FAM20A: variants seen among roughly 807,000 people sequenced by gnomAD.
FAM20A encodes pseudokinase FAM20A.
Under a neutral mutation model 52.0 loss-of-function variants are expected in FAM20A, and 42 were observed. That is an observed-to-expected ratio of 0.81 (90% CI 0.63 to 1.04). The LOEUF (loss-of-function observed/expected upper bound fraction) is 1.04, where lower values mean the gene tolerates loss of function less well. Ranked by LOEUF, FAM20A falls within the 50% of genes least tolerant of loss-of-function variation. The probability of loss-of-function intolerance (pLI) is 0.00; values close to 1 mark genes in which losing one functional copy is unlikely to be tolerated. For synonymous variants in FAM20A, 304 were observed against 298.9 expected (o/e 1.02, Z -0.18); for missense variants, 742 against 712.7 (o/e 1.04, Z -0.47).
intron 1 of FAM20A, among the ~76,000 whole-genome samples, chr17:68,597,563 T>C (rs2088488071): frequency 6.6e-6 from 1 of 152,154 alleles, no homozygotes; most frequent in Non-Finnish European, 1.5e-5. Context: ...TTTTGTATTT[T>C]TAATAGAGAT....
intron 1 of FAM20A, among the ~76,000 whole-genome samples, chr17:68,564,988 C>T (rs978342890): frequency 8.5e-5 from 13 of 152,106 alleles, no homozygotes; most frequent in Non-Finnish European, 1.0e-4. Context: ...ACTAACCACA[C>T]GGCTTCAGGT....
At chr17:68,578,111 G>A (rs763725826) in intron 1 of FAM20A, among the ~76,000 whole-genome samples, 14 of 152,158 alleles carry the variant, frequency 9.2e-5, no homozygotes, top group Non-Finnish European at 1.6e-4. Flanking sequence ...GAAACGTGGT[G>A]TAAAGGCAAT....
rs761551855 is a variant in FAM20A at position 68,542,827 on chromosome 17, C to G, written c.813-18G>C. On this transcript the variant is annotated intron_variant, in intron 5 of 10. Transcript: ENST00000592554. ...CCAGAATCCTGCAAGAGAGGAAGCT[C>G]TGTTCCATCTGAGGGATGATCAGGG... 7.6e-6 allele frequency: 12 copies of G among 1,576,812 alleles called. No individual in the cohort carries two copies. In the South Asian group the frequency reaches 1.1e-4, roughly 15 times the overall value.
At chr17:68,562,023 C>T (rs1330167178) in intron 1 of FAM20A, among the ~76,000 whole-genome samples, 2 of 152,140 alleles carry the variant, frequency 1.3e-5, no homozygotes, top group Non-Finnish European at 2.9e-5. Flanking sequence ...GGGGTTTCGC[C>T]ATGTTGGCCA....
intron 1 of FAM20A, among the ~76,000 whole-genome samples, chr17:68,576,035 A>G (rs2087758194): frequency 6.6e-6 from 1 of 152,094 alleles, no homozygotes; most frequent in East Asian, 1.9e-4. Flanking sequence ...ACTTGGCTGC[A>G]TGCTGAGCCC....
chr17:68,570,404 A>G (rs1178543076), intron 1 of FAM20A, among the ~76,000 whole-genome samples: 1 of 152,168 alleles, frequency 6.6e-6, no homozygotes, highest in Non-Finnish European at 1.5e-5. Flanking sequence ...TTGTTGAATG[A>G]ATTAATGTGC....
At position 68,542,120 on chromosome 17, in the gene FAM20A, G is replaced by A. The variant is rs770620515; in HGVS notation, c.974C>T (p.Thr325Met). The change falls in exon 7 of 11, where the codon ACG becomes ATG. Residue 325 changes from threonine (T) to methionine (M), a missense_variant. By Grantham distance (81) the Thr-to-Met change is moderately conservative. Coordinates refer to ENST00000592554, the MANE Select transcript of FAM20A (RefSeq NM_017565.4). ...TGGGTTGCCACAGACAGCATACTCC[G>A]TCTTGCACATGTATGGACACTTGGC... Reference protein sequence around the residue: ...FFAKCPYMCKTEYAVCGNPHL... With the variant: ...FFAKCPYMCKMEYAVCGNPHL... 13 of 1,614,114 alleles carry A rather than the reference G, an allele frequency of 8.1e-6. No individual in the cohort carries two copies. The East Asian group carries it at 1.3e-4, about 17-fold the overall frequency.
In FAM20A at chr17:68,536,556, C is replaced by T. The variant is rs1297336315; in HGVS notation, c.*921G>A. The stretch of plus-strand genomic sequence containing the variant: ...ACAGGGAGGGGCATCTAGAGGGCCT[C>T]ACCTTTCCACATAGCCCCTTTCTTC... On this transcript the variant is annotated 3_prime_UTR_variant, in exon 11 of 11. Coordinates refer to ENST00000592554, the MANE Select transcript of FAM20A (RefSeq NM_017565.4). 3 of 454,050 alleles carry T rather than the reference C, an allele frequency of 6.6e-6. No individual in the cohort carries two copies. Among genetic ancestry groups the T allele is most frequent in the Admixed American group, 2.3e-5 (1 of 42,566 alleles). 28.1% of individuals were successfully genotyped at this position (454,050 alleles called of 1,614,324 possible).
chr17:68,565,698 A>G (rs2087358585), intron 1 of FAM20A, among the ~76,000 whole-genome samples: 1 of 151,734 alleles, frequency 6.6e-6, no homozygotes, highest in South Asian at 2.1e-4. Flanking sequence ...CCAGCCATCC[A>G]TTACCTCTTA....
chr17:68,594,051 C>T (rs1742065435), intron 1 of FAM20A, among the ~76,000 whole-genome samples: 2 of 152,188 alleles, frequency 1.3e-5, no homozygotes, highest in Non-Finnish European at 2.9e-5. Flanking sequence ...CTGTGGTTTT[C>T]TAGCTGCCTG....
At chr17:68,571,739 A>C (rs1347471214) in intron 1 of FAM20A, among the ~76,000 whole-genome samples, 1 of 151,514 alleles carries the variant, frequency 6.6e-6, no homozygotes, top group Non-Finnish European at 1.5e-5. Context: ...ATACTGTTCT[A>C]TTTCTCCTGT....
chr17:68,575,648 T>G (rs2087732911), intron 1 of FAM20A, among the ~76,000 whole-genome samples: 1 of 114,712 alleles, frequency 8.7e-6, no homozygotes, highest in Non-Finnish European at 1.7e-5. Context: ...GAATATTATA[T>G]TTTATATATA....
intron 1 of FAM20A, among the ~76,000 whole-genome samples, chr17:68,562,706 T>C (rs1422485025): frequency 1.3e-5 from 2 of 152,114 alleles, no homozygotes; most frequent in East Asian, 3.9e-4. Flanking sequence ...ACTTGCATGA[T>C]CTGTGACCCA....
chr17:68,600,482 G>C lies in FAM20A; in HGVS notation c.185C>G (p.Ser62Trp), dbSNP rs769563324. 5.0e-6 allele frequency: 8 copies of C among 1,602,372 alleles called. No individual in the cohort carries two copies. The highest frequency in any genetic ancestry group is 6.0e-6 in the Non-Finnish European group (7 of 1,174,962). Residue 62 changes from serine to tryptophan, a missense_variant, in exon 1 of 11, where the codon TCG (serine) becomes TGG (tryptophan). Transcript: ENST00000592554. This position sits in a 1 kb window ranked among gnomAD's most constrained non-coding sequence, Gnocchi z 6.2. ...GTTGTGCACGATCGTGCCGGGGTCCGAGGCAGCTGCGGCCGAGTCCCGCGC... is the reference window on the plus strand; with the variant it reads ...GTTGTGCACGATCGTGCCGGGGTCCCAGGCAGCTGCGGCCGAGTCCCGCGC... ...SLARDSAAAA[S>W]DPGTIVHNFS... is the part of the protein sequence containing the mutation.
At chr17:68,583,161 A>G (rs774066044) in intron 1 of FAM20A, among the ~76,000 whole-genome samples, 19 of 152,128 alleles carry the variant, frequency 1.2e-4, no homozygotes, top group Non-Finnish European at 2.1e-4. Flanking sequence ...TTGAGTGCCT[A>G]CTATATACAA....
chr17:68,555,386 A>G (rs1313366034), intron 2 of FAM20A, among the ~76,000 whole-genome samples, 173 bp downstream of exon 2: 2 of 152,210 alleles, frequency 1.3e-5, no homozygotes, highest in African/African-American at 2.4e-5. Context: ...TCAGGATGAG[A>G]TTATCGCTAT....
Position 68,574,599 on chromosome 17 carries a change from G to A in FAM20A, c.405-18856C>T, listed in dbSNP as rs541420519. Among the ~76,000 whole-genome samples the A allele has an allele frequency of 6.6e-5, 10 of 152,264 alleles. No homozygotes were observed. In the South Asian group the frequency reaches 8.3e-4, roughly 13 times the overall value. ...AAACCGTAACATCATGTGAGTTATT[G>A]TTACTGTGACTTCTGGGACTCAGTA... On this transcript the variant is annotated intron_variant, in intron 1 of 10. Coordinates refer to ENST00000592554, the MANE Select transcript of FAM20A (RefSeq NM_017565.4).
chr17:68,537,960 C>T lies in FAM20A; in HGVS notation c.1362-219G>A, dbSNP rs574423125. 1.3e-5 allele frequency among the ~76,000 whole-genome samples: 2 copies of T among 152,248 alleles called. No individual in the cohort carries two copies. Among genetic ancestry groups the T allele is most frequent in the Admixed American group, 1.3e-4 (2 of 15,294 alleles). ...TGCCCAATTGCGATTTGGTCAAGAGCCTGCATAGCCATTTGTGCTCTAATA... is the reference window on the plus strand; with the variant it reads ...TGCCCAATTGCGATTTGGTCAAGAGTCTGCATAGCCATTTGTGCTCTAATA... On this transcript the variant is annotated intron_variant, in intron 10 of 10. Coordinates refer to ENST00000592554, the MANE Select transcript of FAM20A (RefSeq NM_017565.4). This position sits in a 1 kb window ranked among gnomAD's most constrained non-coding sequence, Gnocchi z 4.2.
At position 68,540,837 on chromosome 17, in the gene FAM20A, G is replaced by GT; in HGVS notation, c.1219+11dup. The stretch of plus-strand genomic sequence containing the variant: ...GCCCACTTCTGCTGGGGGCCTGCGT[G>GT]TGGGGACCTACCTATCAAGAAGTCG... On this transcript the variant is annotated intron_variant, in intron 8 of 10. Coordinates refer to ENST00000592554, the MANE Select transcript of FAM20A (RefSeq NM_017565.4). The GT allele has an allele frequency of 6.3e-7, 1 of 1,588,750 alleles. No homozygotes were observed. Among genetic ancestry groups the GT allele is most frequent in the Middle Eastern group, 2.2e-4 (1 of 4,564 alleles).
Sources: gnomAD v4.1 joint callset for allele counts (sites outside exome capture counted in the v4.1 genomes callset) on GRCh38, gnomAD v4.1.1 for gene constraint, Gnocchi (gnomAD v3.1) non-coding constraint, MANE v1.5 for transcripts, NCBI Gene and HGNC (gene_info 2026-07-23, HGNC 2026-07-21) for gene names.